GABRG3: variants seen among roughly 807,000 people sequenced by gnomAD.
GABRG3 encodes gamma-aminobutyric acid type A receptor subunit gamma3.
A neutral mutation model predicts 48.8 loss-of-function variants in GABRG3; 25 were observed. That is an observed-to-expected ratio of 0.51 (90% confidence interval 0.37 to 0.72). The LOEUF is 0.72. Ranked by LOEUF, GABRG3 falls within the 30% of genes least tolerant of loss-of-function variation. GABRG3 has a pLI of 0.00. For missense variants in GABRG3, 394 were observed against 577.9 expected (o/e 0.68, Z 3.26); for synonymous variants, 227 against 217.6 (o/e 1.04, Z -0.38).
chr15:27,214,223 G>A (rs921690193), intron 3 of GABRG3, among the ~76,000 whole-genome samples: 3 of 152,150 alleles, frequency 2.0e-5, no homozygotes, highest in African/African-American at 7.2e-5. Context: ...ATCTAGTAAT[G>A]GTAGTCATAG....
chr15:27,064,283 G>T (rs1009911566), intron 3 of GABRG3, among the ~76,000 whole-genome samples: 23 of 152,196 alleles, frequency 1.5e-4, no homozygotes, highest in African/African-American at 5.3e-4. Flanking sequence ...GGTTAGAGAA[G>T]TGAAATGTTT....
chr15:27,061,439 A>T (rs1246909218), intron 3 of GABRG3, among the ~76,000 whole-genome samples: 1 of 139,642 alleles, frequency 7.2e-6, no homozygotes, highest in Non-Finnish European at 1.6e-5. Flanking sequence ...CCATTGAGGT[A>T]ACTGCTCTTT....
intron 3 of GABRG3, among the ~76,000 whole-genome samples, chr15:27,165,891 T>C (rs1887354833): frequency 6.6e-6 from 1 of 151,498 alleles, no homozygotes; most frequent in Non-Finnish European, 1.5e-5. Context: ...ATTGGAGGAG[T>C]GGCTGTTTTC....
At chr15:27,072,749 G>A (rs757262920) in intron 3 of GABRG3, among the ~76,000 whole-genome samples, 2 of 152,150 alleles carry the variant, frequency 1.3e-5, no homozygotes, top group Non-Finnish European at 2.9e-5. Context: ...GAGGAAGGGG[G>A]GTTTGCCAGA....
intron 3 of GABRG3, among the ~76,000 whole-genome samples, chr15:27,309,088 TATA>T (rs1296052643): frequency 4.6e-5 from 7 of 151,206 alleles, no homozygotes; most frequent in East Asian, 2.0e-4. Flanking sequence ...TATATAGAAA[TATA>T]ATGTAAACAC....
rs1346435431 is a variant in GABRG3, at chr15:27,338,034, G to A, written c.574+9146G>A. Among the ~76,000 whole-genome samples the A allele has an allele frequency of 2.0e-5, 3 of 152,272 alleles. No individual in the cohort carries two copies. The East Asian group carries it at 5.8e-4, about 29-fold the overall frequency. On this transcript the variant is annotated intron_variant, in intron 5 of 9. Coordinates refer to ENST00000615808, the MANE Select transcript of GABRG3 (RefSeq NM_033223.5). ...TTCAGCACTAAATATGGAGCGAGGG[G>A]AGTCTTAAAGCTAAGAAATACTAGT...
intron 3 of GABRG3, among the ~76,000 whole-genome samples, chr15:27,064,151 T>A (rs1309713677): frequency 6.6e-6 from 1 of 152,008 alleles, no homozygotes; most frequent in Non-Finnish European, 1.5e-5. Context: ...AGGGTGGAGG[T>A]ACAGAGGAAG....
intron 3 of GABRG3, among the ~76,000 whole-genome samples, chr15:27,185,764 C>T (rs1888072540): frequency 6.6e-6 from 1 of 151,944 alleles, no homozygotes; most frequent in South Asian, 2.1e-4. Flanking sequence ...GTGGAATAAT[C>T]TTTTTATCAT....
At chr15:27,280,825 G>A (rs1353823276) in intron 3 of GABRG3, among the ~76,000 whole-genome samples, 2 of 152,120 alleles carry the variant, frequency 1.3e-5, no homozygotes, top group East Asian at 1.9e-4. Context: ...TTCTACAAAT[G>A]CCAATTTAAG....
chr15:27,394,237 C>T (rs1464532716), intron 5 of GABRG3, among the ~76,000 whole-genome samples: 3 of 151,932 alleles, frequency 2.0e-5, no homozygotes, highest in Non-Finnish European at 4.4e-5. Flanking sequence ...GTTTCTTTTA[C>T]TACATTAAAA....
intron 3 of GABRG3, among the ~76,000 whole-genome samples, chr15:27,124,106 A>C (rs1377140423): frequency 6.6e-6 from 1 of 152,204 alleles, no homozygotes; most frequent in Non-Finnish European, 1.5e-5. Context: ...AACTCATGTT[A>C]AGATCACAGA....
At chr15:27,376,629 C>T (rs547506003) in intron 5 of GABRG3, among the ~76,000 whole-genome samples, 30 of 152,210 alleles carry the variant, frequency 2.0e-4, no homozygotes, top group Non-Finnish European at 2.6e-4. Context: ...AGCCATGGCC[C>T]GAACTTTATG....
intron 5 of GABRG3, among the ~76,000 whole-genome samples, chr15:27,446,321 A>G (rs1166406883): frequency 2.6e-5 from 4 of 152,212 alleles, no homozygotes; most frequent in African/African-American, 9.7e-5. Context: ...TCTTTAAAAT[A>G]TTTTGTAGGA....
chr15:27,504,853 A>G (rs924413165), intron 6 of GABRG3, among the ~76,000 whole-genome samples: 93 of 152,202 alleles, frequency 6.1e-4, no homozygotes, highest in Non-Finnish European at 1.1e-3. Flanking sequence ...CTTACAAGTT[A>G]ACAGGTTTTT....
intron 3 of GABRG3, among the ~76,000 whole-genome samples, chr15:27,243,310 G>C (rs1890183185): frequency 1.3e-5 from 2 of 152,138 alleles, no homozygotes; most frequent in South Asian, 4.1e-4. Flanking sequence ...ACAAGCAAAT[G>C]TTATGTTTGA....
At chr15:27,261,782 A>G (rs767874769) in intron 3 of GABRG3, among the ~76,000 whole-genome samples, 3 of 151,950 alleles carry the variant, frequency 2.0e-5, no homozygotes, top group Non-Finnish European at 4.4e-5. Context: ...GTTTATTTCA[A>G]CCCAAACAAA....
chr15:27,375,767 CACA>C, intron 5 of GABRG3, among the ~76,000 whole-genome samples: 1 of 152,118 alleles, frequency 6.6e-6, no homozygotes, highest in Non-Finnish European at 1.5e-5. Flanking sequence ...GGGTCCCTCC[CACA>C]ACATGTGGGA....
chr15:27,253,561 T>C (rs1490022296), intron 3 of GABRG3, among the ~76,000 whole-genome samples: 1 of 152,258 alleles, frequency 6.6e-6, no homozygotes, highest in East Asian at 1.9e-4. Context: ...CTGTAAGTTA[T>C]GAAATGCATT....
intron 3 of GABRG3, among the ~76,000 whole-genome samples, chr15:27,218,581 C>T (rs1343223411): frequency 2.6e-5 from 4 of 152,130 alleles, no homozygotes; most frequent in Non-Finnish European, 4.4e-5. Flanking sequence ...CGTCTCCACT[C>T]GGTTCCCATC....
Sources: gnomAD v4.1 joint callset for allele counts (sites outside exome capture counted in the v4.1 genomes callset) on GRCh38, gnomAD v4.1.1 for gene constraint, MANE v1.5 for transcripts, NCBI Gene and HGNC (gene_info 2026-07-23, HGNC 2026-07-21) for gene names.